Variants in SLC39A8 observed in about 807,000 individuals in gnomAD.
The protein encoded by SLC39A8 is metal cation symporter ZIP8.
Under a neutral mutation model 40.4 loss-of-function variants are expected in SLC39A8, and 15 were observed. The ratio of observed to expected loss-of-function variants is 0.37; its 90% confidence interval spans 0.25 to 0.57. The LOEUF is 0.57. Among genes scored for constraint, SLC39A8 ranks in the 20% least tolerant of loss-of-function variants. The pLI, the probability that SLC39A8 is intolerant of heterozygous loss-of-function variation, is 0.75. For missense variants in SLC39A8, 472 were observed against 558.8 expected, an observed-to-expected ratio of 0.84 and a Z score of 1.57; for synonymous variants, 223 against 221.6, an observed-to-expected ratio of 1.01 and a Z score of -0.06.
chr4:102,280,442 T>G (rs1732820019), intron 6 of SLC39A8, among the ~76,000 whole-genome samples: 1 of 152,192 alleles, frequency 6.6e-6, no homozygotes, highest in Non-Finnish European at 1.5e-5. Flanking sequence ...TAAGTTTTCA[T>G]GAAAAAAGTA....
intron 2 of SLC39A8, among the ~76,000 whole-genome samples, chr4:102,326,332 C>T (rs563600234): frequency 2.0e-5 from 3 of 152,150 alleles, no homozygotes; most frequent in Non-Finnish European, 4.4e-5. Context: ...GAGGCCGAGG[C>T]GGGCAGATCA....
chr4:102,262,295 T>C lies in SLC39A8; in HGVS notation c.*749A>G. The C allele has an allele frequency of 1.0e-6, 1 of 985,734 alleles. No homozygotes were observed. Among genetic ancestry groups the C allele is most frequent in the Non-Finnish European group, 1.2e-6 (1 of 829,932 alleles). The allele number at this position is 985,734 out of a possible 1,614,324, so 61.1% of individuals were successfully genotyped here. A position where few individuals can be genotyped will look rare whatever the true frequency, so the allele number is the denominator to read the frequency against. On this transcript the variant is annotated 3_prime_UTR_variant, in exon 9 of 9. Coordinates refer to ENST00000356736, the MANE Select transcript of SLC39A8 (RefSeq NM_001135146.2). The stretch of plus-strand genomic sequence containing the variant: ...GTGTTACCAGCTTTACATACTGTTC[T>C]GCCATTTGTGAGGGGTGCAACCACA...
chr4:102,273,997 C>A (rs1732494627), intron 6 of SLC39A8, among the ~76,000 whole-genome samples: 1 of 152,108 alleles, frequency 6.6e-6, no homozygotes, highest in Non-Finnish European at 1.5e-5. Context: ...GAGGGAAAAC[C>A]AGCACAAAAA....
rs1732254046 is a variant in SLC39A8 at position 102,269,583 on chromosome 4, AC to A, written c.841-1505del. The A allele has an allele frequency of 2.6e-5, 4 of 152,368 alleles. No homozygotes were observed. The South Asian group carries it at 8.3e-4, about 32-fold the overall frequency. The allele number at this position is 152,368 out of a possible 1,614,324, so 9.4% of individuals were successfully genotyped here. On this transcript the variant is annotated intron_variant, in intron 6 of 8. Transcript: ENST00000356736. ...TTTGGAACAATTCTATGAGGAAAGTACAACTGTTACCATCATTTTATAGTTG... is the reference window on the plus strand; with the variant it reads ...TTTGGAACAATTCTATGAGGAAAGTAAACTGTTACCATCATTTTATAGTTG...
At chr4:102,276,314 T>G (rs1358943003) in intron 6 of SLC39A8, among the ~76,000 whole-genome samples, 11 of 152,112 alleles carry the variant, frequency 7.2e-5, no homozygotes, top group African/African-American at 2.7e-4. Flanking sequence ...AGATCACCAC[T>G]GATCCACAGG....
At chr4:102,315,645 G>C in intron 3 of SLC39A8, 23 bp downstream of exon 3, 1 of 1,568,650 alleles carries the variant, frequency 6.4e-7, no homozygotes, top group Non-Finnish European at 8.6e-7. Context: ...TCAAATAAAA[G>C]AGAAAAAATG....
chr4:102,327,127 T>A (rs967287144), intron 2 of SLC39A8, among the ~76,000 whole-genome samples: 1 of 152,042 alleles, frequency 6.6e-6, no homozygotes, highest in African/African-American at 2.4e-5. Flanking sequence ...CTAAGCATGA[T>A]GGTGCACACC....
At chr4:102,273,345 C>T (rs1010839046) in intron 6 of SLC39A8, among the ~76,000 whole-genome samples, 3 of 152,168 alleles carry the variant, frequency 2.0e-5, no homozygotes, top group Non-Finnish European at 2.9e-5. Context: ...TCAAACTGAG[C>T]GGAGCCCACC....
chr4:102,311,642 T>C (rs774213976), intron 3 of SLC39A8, among the ~76,000 whole-genome samples: 1 of 152,148 alleles, frequency 6.6e-6, no homozygotes, highest in Non-Finnish European at 1.5e-5. Context: ...ATTACTAAAA[T>C]GCAATTAATT....
Position 102,261,925 on chromosome 4 carries a change from A to G in SLC39A8, c.*1119T>C, listed in dbSNP as rs192580155. 21 of 985,850 alleles carry G rather than the reference A, an allele frequency of 2.1e-5. No individual in the cohort carries two copies. The highest frequency in any genetic ancestry group is 6.1e-5 in the Admixed American group (1 of 16,268). The allele number at this position is 985,850 out of a possible 1,614,324, so 61.1% of individuals were successfully genotyped here. A position where few individuals can be genotyped will look rare whatever the true frequency, so the allele number is the denominator to read the frequency against. On this transcript the variant is annotated 3_prime_UTR_variant, in exon 9 of 9. Coordinates refer to ENST00000356736, the MANE Select transcript of SLC39A8 (RefSeq NM_001135146.2). Reference sequence around the variant, plus strand: ...GTTCAATTTTAGACCAATTTTCTCTATCTTCTAAATGAGTAAACAGGCTCT... The same window carrying G: ...GTTCAATTTTAGACCAATTTTCTCTGTCTTCTAAATGAGTAAACAGGCTCT...
At chr4:102,333,557 T>A (rs1735555155) in intron 2 of SLC39A8, among the ~76,000 whole-genome samples, 1 of 152,192 alleles carries the variant, frequency 6.6e-6, no homozygotes, top group Admixed American at 6.5e-5. Context: ...GTAATACCTA[T>A]CACTAAGATG....
intron 6 of SLC39A8, among the ~76,000 whole-genome samples, chr4:102,289,479 T>C (rs1000431961): frequency 6.6e-6 from 1 of 152,106 alleles, no homozygotes; most frequent in Non-Finnish European, 1.5e-5. Flanking sequence ...AAGAAATACA[T>C]TGTGTAAGAC....
chr4:102,307,377 A>C, intron 4 of SLC39A8, 59 bp downstream of exon 4: 1 of 1,574,026 alleles, frequency 6.4e-7, no homozygotes, highest in South Asian at 1.2e-5. Flanking sequence ...AAACATACAA[A>C]GTGCTAAAAC....
At chr4:102,251,136 G>T (rs1226177245) in exon 12 of SLC39A8, 2 of 152,190 alleles carry the variant, frequency 1.3e-5, no homozygotes, top group Non-Finnish European at 2.9e-5. Context: ...TATATGTGAT[G>T]CATATAATGT....
chr4:102,295,090 GATA>G (rs1221602319), intron 6 of SLC39A8, among the ~76,000 whole-genome samples: 3 of 148,328 alleles, frequency 2.0e-5, no homozygotes, highest in Non-Finnish European at 3.0e-5. Flanking sequence ...CTATTTATTA[GATA>G]ATAATATATA....
At chr4:102,309,025 T>C (rs1283653838) in intron 3 of SLC39A8, among the ~76,000 whole-genome samples, 1 of 152,146 alleles carries the variant, frequency 6.6e-6, no homozygotes, top group East Asian at 1.9e-4. Flanking sequence ...CCTTTAGAGA[T>C]AATCTCATTT....
intron 6 of SLC39A8, among the ~76,000 whole-genome samples, chr4:102,288,370 C>A (rs1733277150): frequency 6.6e-6 from 1 of 152,068 alleles, no homozygotes; most frequent in Non-Finnish European, 1.5e-5. Context: ...CGGTGACCAG[C>A]CATTCCCCCA....
At chr4:102,276,083 A>G (rs1314514853) in intron 6 of SLC39A8, among the ~76,000 whole-genome samples, 2 of 152,198 alleles carry the variant, frequency 1.3e-5, no homozygotes, top group African/African-American at 2.4e-5. Flanking sequence ...GAACTAGAGA[A>G]GCAAGAGCAA....
intron 6 of SLC39A8, among the ~76,000 whole-genome samples, chr4:102,286,764 T>A (rs2149020351): frequency 6.6e-6 from 1 of 152,278 alleles, no homozygotes; most frequent in East Asian, 1.9e-4. Flanking sequence ...TCATAAATTA[T>A]CAGCTATGAC....
Sources: gnomAD v4.1 joint callset for allele counts (sites outside exome capture counted in the v4.1 genomes callset) on GRCh38, gnomAD v4.1.1 for gene constraint, MANE v1.5 for transcripts, NCBI Gene and HGNC (gene_info 2026-07-23, HGNC 2026-07-21) for gene names.